The following FZD8 variants were observed in gnomAD, a reference collection of about 807,000 sequenced individuals.
FZD8 encodes the protein frizzled-8.
A neutral mutation model predicts 46.0 loss-of-function variants in FZD8; 18 were observed. The ratio of observed to expected loss-of-function variants is 0.39; its 90% CI spans 0.27 to 0.58. FZD8 has a LOEUF of 0.58. FZD8 is among the 20% of genes least tolerant of loss of function. The probability of loss-of-function intolerance (pLI) is 0.55; values close to 1 mark genes in which losing one functional copy is unlikely to be tolerated. For missense variants in FZD8, 785 were observed against 983.4 expected, an observed-to-expected ratio of 0.80 and a Z score of 2.70; for synonymous variants, 586 against 467.9, an observed-to-expected ratio of 1.25 and a Z score of -3.26.
chr10:35,639,467 C>G lies in FZD8; in HGVS notation c.1963G>C (p.Gly655Arg). The stretch of plus-strand genomic sequence containing the variant: ...CCCCCGCCGCCGCCCGGCCCCCCGC[C>G]GCCGCCGGGTCCCCCGCCGCCGCCG... ...GGGGGGGPGG[G>R]GGPGGGGGSL... The change falls in exon 1 of 1, where the codon GGC (glycine) becomes CGC (arginine). Residue 655 changes from glycine to arginine, a missense_variant. Transcript: ENST00000374694. 1.7e-5 allele frequency: 17 copies of G among 1,020,898 alleles called. No individual in the cohort carries two copies. Among genetic ancestry groups the G allele is most frequent in the Non-Finnish European group, 1.9e-5 (16 of 845,072 alleles). The allele number at this position is 1,020,898 out of a possible 1,614,324, so 63.2% of individuals were successfully genotyped here. A position where few individuals can be genotyped will look rare whatever the true frequency, so the allele number is the denominator to read the frequency against.
At position 35,641,421 on chromosome 10, in the gene FZD8, C is replaced by A. The variant is rs956984979; in HGVS notation, c.9G>T (p.Trp3Cys). ...GCGAGGTCACTTCCAACAGGTAACC[C>A]CACTCCATGCTGTGCGCCTCGGCCC... ME[W>C]GYLLEVTSLL... Residue 3 changes from tryptophan to cysteine, a missense_variant, in exon 1 of 1, where the codon TGG becomes TGT. Transcript: ENST00000374694. This position sits in a 1 kb window ranked among gnomAD's most constrained non-coding sequence, Gnocchi z 6.3. 2 of 1,606,158 alleles carry A rather than the reference C, an allele frequency of 1.2e-6. No homozygotes were observed. Among genetic ancestry groups the A allele is most frequent in the East Asian group, 2.2e-5 (1 of 44,710 alleles).
chr10:35,641,534 G>C lies in FZD8; in HGVS notation c.-105C>G. On this transcript the variant is annotated 5_prime_UTR_variant, in exon 1 of 1. Transcript: ENST00000374694. The surrounding 1 kb of genome is among the most constrained non-coding windows in gnomAD (Gnocchi z 6.3). ...GCAGACGGGTACAGCGGGTGATCTG[G>C]GGTCTCCCTTATGCTTCGCCCGGGA... 7.0e-7 allele frequency: 1 copy of C among 1,435,704 alleles called. No homozygotes were observed. The highest frequency in any genetic ancestry group is 9.2e-7 in the Non-Finnish European group (1 of 1,092,660). The allele number at this position is 1,435,704 out of a possible 1,614,324, so 88.9% of individuals were successfully genotyped here. A position where few individuals can be genotyped will look rare whatever the true frequency, so the allele number is the denominator to read the frequency against.
In FZD8 at chr10:35,641,283, G is replaced by A. The variant is rs771898512; in HGVS notation, c.147C>T (p.Asn49=). Residue 49 remains asparagine, a synonymous_variant, in exon 1 of 1, where the codon AAC becomes AAT. Coordinates refer to ENST00000374694, the MANE Select transcript of FZD8 (RefSeq NM_031866.3). The surrounding 1 kb of genome is among the most constrained non-coding windows in gnomAD (Gnocchi z 6.3). ...TGAACTGATTGGGCATGTAGGTGTA[G>A]TTGTAGCCGATGCCCTTACACAGCG... The part of the protein sequence containing the change: ...TVPLCKGIGY[N]YTYMPNQFNH... The A allele has an allele frequency of 9.9e-6, 16 of 1,613,946 alleles. No homozygotes were observed. Among genetic ancestry groups the A allele is most frequent in the Non-Finnish European group, 8.5e-7 (1 of 1,179,958 alleles).
chr10:35,641,419 C>G lies in FZD8; in HGVS notation c.11G>C (p.Gly4Ala). ...CAGCGAGGTCACTTCCAACAGGTAA[C>G]CCCACTCCATGCTGTGCGCCTCGGC... MEW[G>A]YLLEVTSLLA... The change falls in exon 1 of 1, where the codon GGT becomes GCT. Residue 4 changes from glycine (G) to alanine (A), a missense_variant. By Grantham distance (60) the Gly-to-Ala change is moderately conservative. Coordinates refer to ENST00000374694, the MANE Select transcript of FZD8 (RefSeq NM_031866.3). The surrounding 1 kb of genome is among the most constrained non-coding windows in gnomAD (Gnocchi z 6.3). 1.2e-6 allele frequency: 2 copies of G among 1,608,282 alleles called. No homozygotes were observed. The highest frequency in any genetic ancestry group is 8.5e-7 in the Non-Finnish European group (1 of 1,178,746).
chr10:35,641,536 G>A lies in FZD8; in HGVS notation c.-107C>T, dbSNP rs1686645733. ...AGACGGGTACAGCGGGTGATCTGGG[G>A]TCTCCCTTATGCTTCGCCCGGGAGG... On this transcript the variant is annotated 5_prime_UTR_variant, in exon 1 of 1. Transcript: ENST00000374694. This position sits in a 1 kb window ranked among gnomAD's most constrained non-coding sequence, Gnocchi z 6.3. The A allele has an allele frequency of 2.1e-6, 3 of 1,431,704 alleles. No individual in the cohort carries two copies. The highest frequency in any genetic ancestry group is 1.4e-5 in the South Asian group (1 of 69,894). The allele number at this position is 1,431,704 out of a possible 1,614,324, so 88.7% of individuals were successfully genotyped here.
At position 35,641,028 on chromosome 10, in the gene FZD8, G is replaced by C; in HGVS notation, c.402C>G (p.Arg134=). The stretch of plus-strand genomic sequence containing the variant: ...TGCCTTGCTCGGGCAGCCGGTCGCA[G>C]CGCATGCGGTCGGGCCAGGCGAAGC... The part of the protein sequence containing the change: ...QYGFAWPDRM[R]CDRLPEQGNP... The change falls in exon 1 of 1, where the codon CGC becomes CGG. Residue 134 remains arginine (R), a synonymous_variant. Transcript: ENST00000374694. This position sits in a 1 kb window ranked among gnomAD's most constrained non-coding sequence, Gnocchi z 6.3. 6.2e-7 allele frequency: 1 copy of C among 1,608,022 alleles called. No individual in the cohort carries two copies. The highest frequency in any genetic ancestry group is 8.5e-7 in the Non-Finnish European group (1 of 1,178,072).
In FZD8 at chr10:35,639,675, G is replaced by A. The variant is rs1325804717; in HGVS notation, c.1755C>T (p.Val585=). 6.3e-7 allele frequency: 1 copy of A among 1,599,288 alleles called. No individual in the cohort carries two copies. The highest frequency in any genetic ancestry group is 1.1e-5 in the South Asian group (1 of 91,086). ...PDQARRPDYA[V]FMLKYFMCLV... ...GGCACATGAAGTACTTGAGCATGAA[G>A]ACGGCGTAGTCGGGCCTGCGTGCCT... The change falls in exon 1 of 1, where the codon GTC becomes GTT. Residue 585 remains valine, a synonymous_variant. Coordinates refer to ENST00000374694, the MANE Select transcript of FZD8 (RefSeq NM_031866.3).
At position 35,640,971 on chromosome 10, in the gene FZD8, G is replaced by T. The variant is rs1281708431; in HGVS notation, c.459C>A (p.Arg153=). 1 of 1,590,044 alleles carries T rather than the reference G, an allele frequency of 6.3e-7. No homozygotes were observed. Residue 153 remains arginine (R), a synonymous_variant, in exon 1 of 1, where the codon CGC becomes CGA. Transcript: ENST00000374694. ...NPDTLCMDYN[R]TDLTTAAPSP... is the part of the protein sequence containing the mutation. ...TGGGCGCGGCGGTGGTTAGGTCGGT[G>T]CGGTTGTAGTCCATGCACAGCGTGT...
chr10:35,640,848 G>C lies in FZD8; in HGVS notation c.582C>G (p.Gly194=). ...RPPGARPPHR[G]GGRGGGGGDA... is the part of the protein sequence containing the mutation. ...CCCCGCCGCCACCGCCCCTGCCGCC[G>C]CCGCGGTGCGGGGGCCTGGCCCCCG... The change falls in exon 1 of 1, where the codon GGC becomes GGG. Residue 194 remains glycine (G), a synonymous_variant. Coordinates refer to ENST00000374694, the MANE Select transcript of FZD8 (RefSeq NM_031866.3). The C allele has an allele frequency of 1.0e-6, 1 of 977,288 alleles. No homozygotes were observed. Among genetic ancestry groups the C allele is most frequent in the Non-Finnish European group, 1.2e-6 (1 of 826,718 alleles). The allele number at this position is 977,288 out of a possible 1,614,324, so 60.5% of individuals were successfully genotyped here. A position where few individuals can be genotyped will look rare whatever the true frequency, so the allele number is the denominator to read the frequency against.
chr10:35,640,434 C>A lies in FZD8; in HGVS notation c.996G>T (p.Val332=). The A allele has an allele frequency of 4.1e-6, 6 of 1,474,438 alleles. No homozygotes were observed. The highest frequency in any genetic ancestry group is 2.1e-5 in the Admixed American group (1 of 48,354). The allele number at this position is 1,474,438 out of a possible 1,614,324, so 91.3% of individuals were successfully genotyped here. The change falls in exon 1 of 1, where the codon GTG becomes GTT. Residue 332 remains valine (V), a synonymous_variant. Coordinates refer to ENST00000374694, the MANE Select transcript of FZD8 (RefSeq NM_031866.3). ...FVSVGYLVRL[V]AGHEKVACSG... ...TGCACGCCACCTTCTCGTGGCCCGC[C>A]ACCAGGCGCACTAGGTAGCCCACCG...
At position 35,640,151 on chromosome 10, in the gene FZD8, T is replaced by C; in HGVS notation, c.1279A>G (p.Met427Val). ...LSLTWFLAAG[M>V]KWGNEAIAGY... ...GCGATGGCTTCGTTGCCCCACTTCA[T>C]ACCGGCCGCCAGGAACCATGTGAGC... The change falls in exon 1 of 1, where the codon ATG (methionine) becomes GTG (valine). Residue 427 changes from methionine to valine, a missense_variant. Met to Val is a conservative substitution (Grantham distance 21). This residue lies in a region of FZD8 where 147 missense variants were observed against 242.5 expected (regional missense o/e 0.61). Transcript: ENST00000374694. The C allele has an allele frequency of 1.2e-6, 2 of 1,613,160 alleles. No individual in the cohort carries two copies. The highest frequency in any genetic ancestry group is 1.7e-6 in the Non-Finnish European group (2 of 1,179,820).
Position 35,641,438 on chromosome 10 carries a change from C to T in FZD8, c.-9G>A. ...AGGTAACCCCACTCCATGCTGTGCGCCTCGGCCCGGTGCCCTCGCCCTCCA... is the reference window on the plus strand; with the variant it reads ...AGGTAACCCCACTCCATGCTGTGCGTCTCGGCCCGGTGCCCTCGCCCTCCA... On this transcript the variant is annotated 5_prime_UTR_variant, in exon 1 of 1. Transcript: ENST00000374694. This position sits in a 1 kb window ranked among gnomAD's most constrained non-coding sequence, Gnocchi z 6.3. 6.3e-7 allele frequency: 1 copy of T among 1,591,944 alleles called. No individual in the cohort carries two copies. The highest frequency in any genetic ancestry group is 8.5e-7 in the Non-Finnish European group (1 of 1,171,598).
Position 35,641,181 on chromosome 10 carries a change from A to G in FZD8, c.249T>C (p.Asp83=), listed in dbSNP as rs1588706576. 1 of 1,613,868 alleles carries G rather than the reference A, an allele frequency of 6.2e-7. No homozygotes were observed. Among genetic ancestry groups the G allele is most frequent in the Non-Finnish European group, 8.5e-7 (1 of 1,179,874 alleles). The part of the protein sequence containing the change: ...WPLVEIQCSP[D]LKFFLCSMYT... ...ACATGCTGCACAGGAAGAACTTGAG[A>G]TCGGGCGAGCACTGGATCTCCACCA... Residue 83 remains aspartate (D), a synonymous_variant, in exon 1 of 1, where the codon GAT becomes GAC. Coordinates refer to ENST00000374694, the MANE Select transcript of FZD8 (RefSeq NM_031866.3). The surrounding 1 kb of genome is among the most constrained non-coding windows in gnomAD (Gnocchi z 6.3).
At position 35,640,502 on chromosome 10, in the gene FZD8, C is replaced by A; in HGVS notation, c.928G>T (p.Glu310Ter). Reference protein sequence around the residue: ...LIDMERFKYPERPIIFLSACY... With the variant: ...LIDMERFKYP ...GCCGAGAGGAAGATAATGGGCCGCTCCGGGTACTTGAAGCGCTCCATGTCG... is the reference window on the plus strand; with the variant it reads ...GCCGAGAGGAAGATAATGGGCCGCTACGGGTACTTGAAGCGCTCCATGTCG... The change falls in exon 1 of 1, where the codon GAG (glutamate) becomes TAG (stop). Residue 310 changes from glutamate (E) to a stop codon, truncating the protein, a stop_gained. Transcript: ENST00000374694. LOFTEE classifies it high-confidence loss of function. 6.3e-7 allele frequency: 1 copy of A among 1,584,440 alleles called. No homozygotes were observed. Among genetic ancestry groups the A allele is most frequent in the Non-Finnish European group, 8.6e-7 (1 of 1,163,280 alleles).
rs1180604391 is a variant in FZD8 at position 35,638,327 on chromosome 10, C to T, written c.*1018G>A. ...GGGAATTACTGCCTTGCAGAAGTTC[C>T]ATTTACATCCACTAAAGTGAGAGTT... On this transcript the variant is annotated 3_prime_UTR_variant, in exon 1 of 1. Coordinates refer to ENST00000374694, the MANE Select transcript of FZD8 (RefSeq NM_031866.3). 1 of 152,438 alleles carries T rather than the reference C, an allele frequency of 6.6e-6. No individual in the cohort carries two copies. Among genetic ancestry groups the T allele is most frequent in the East Asian group, 1.9e-4 (1 of 5,340 alleles). 9.4% of individuals were successfully genotyped at this position (152,438 alleles called of 1,614,324 possible).
chr10:35,640,833 A>ACCGCCCCTGCCGCCG lies in FZD8; in HGVS notation c.582_596dup (p.Arg197_Gly201dup). The ACCGCCCCTGCCGCCG allele has an allele frequency of 1.0e-6, 1 of 976,202 alleles. No homozygotes were observed. Among genetic ancestry groups the ACCGCCCCTGCCGCCG allele is most frequent in the Non-Finnish European group, 1.2e-6 (1 of 826,614 alleles). 60.5% of individuals were successfully genotyped at this position (976,202 alleles called of 1,614,324 possible). On this transcript the variant is annotated inframe_insertion, in exon 1 of 1. Transcript: ENST00000374694. ...GGGGCGCCGCCGCGTCCCCGCCGCC[A>ACCGCCCCTGCCGCCG]CCGCCCCTGCCGCCGCCGCGGTGCG...
At position 35,641,484 on chromosome 10, in the gene FZD8, C is replaced by CGGGGG. The variant is rs142623421; in HGVS notation, c.-60_-56dup. 2.7e-5 allele frequency: 37 copies of CGGGGG among 1,369,732 alleles called. No individual in the cohort carries two copies. The African/African-American group carries it at 4.3e-4, about 16-fold the overall frequency. The allele number at this position is 1,369,732 out of a possible 1,614,324, so 84.8% of individuals were successfully genotyped here. On this transcript the variant is annotated 5_prime_UTR_variant, in exon 1 of 1. Transcript: ENST00000374694. The surrounding 1 kb of genome is among the most constrained non-coding windows in gnomAD (Gnocchi z 6.3). ...CTCCAGGCGGCGCGCAGAGGGGTGCCGGGGGGGGGGCCCACGAGAGAGCCG... is the reference window on the plus strand; with the variant it reads ...CTCCAGGCGGCGCGCAGAGGGGTGCCGGGGGGGGGGGGGGGCCCACGAGAGAGCCG...
rs142623421 is a variant in FZD8, at chr10:35,641,484, CG to C, written c.-56del. On this transcript the variant is annotated 5_prime_UTR_variant, in exon 1 of 1. Coordinates refer to ENST00000374694, the MANE Select transcript of FZD8 (RefSeq NM_031866.3). This position sits in a 1 kb window ranked among gnomAD's most constrained non-coding sequence, Gnocchi z 6.3. ...CTCCAGGCGGCGCGCAGAGGGGTGC[CG>C]GGGGGGGGGCCCACGAGAGAGCCGC... The C allele has an allele frequency of 4.7e-4, 646 of 1,367,682 alleles. 2 individuals are homozygous for C. The East Asian group carries it at 5.5e-3, about 12-fold the overall frequency. 84.7% of individuals were successfully genotyped at this position (1,367,682 alleles called of 1,614,324 possible).
chr10:35,640,539 G>T lies in FZD8; in HGVS notation c.891C>A (p.Ser297=), dbSNP rs768974278. 1.3e-6 allele frequency: 2 copies of T among 1,591,196 alleles called. No individual in the cohort carries two copies. The highest frequency in any genetic ancestry group is 1.7e-6 in the Non-Finnish European group (2 of 1,167,036). ...LCFVSTFATV[S]TFLIDMERFK... is the part of the protein sequence containing the mutation. ...AGCGCTCCATGTCGATAAGGAAGGTGGAGACGGTGGCGAAGGTGGACACGA... is the reference window on the plus strand; with the variant it reads ...AGCGCTCCATGTCGATAAGGAAGGTTGAGACGGTGGCGAAGGTGGACACGA... The change falls in exon 1 of 1, where the codon TCC becomes TCA. Residue 297 remains serine (S), a synonymous_variant. Coordinates refer to ENST00000374694, the MANE Select transcript of FZD8 (RefSeq NM_031866.3).
Sources: allele counts gnomAD v4.1 joint callset, GRCh38; gene constraint gnomAD v4.1.1; regional missense constraint gnomAD v4.1.1; non-coding constraint Gnocchi (gnomAD v3.1); transcripts MANE v1.5; gene names NCBI Gene and HGNC (gene_info 2026-07-23, HGNC 2026-07-21).